Variants in GMIP observed in about 807,000 individuals in gnomAD.
The protein encoded by GMIP is GEM interacting protein.
GMIP carries 54 observed loss-of-function variants against 105.3 expected under a neutral mutation model. The observed-to-expected ratio is 0.51, with a 90% confidence interval of 0.41 to 0.64. GMIP has a LOEUF of 0.64. Ranked by LOEUF, GMIP falls within the 30% of genes least tolerant of loss-of-function variation. The pLI, the probability that GMIP is intolerant of heterozygous loss-of-function variation, is 0.00. For synonymous variants in GMIP, 541 were observed against 560.8 expected, an observed-to-expected ratio of 0.96 and a Z score of 0.50; for missense variants, 1,110 against 1,319.4, an observed-to-expected ratio of 0.84 and a Z score of 2.46.
rs760097464 is a variant in GMIP at position 19,634,464 on chromosome 19, A to G, written c.2084+43T>C. 3 of 1,521,636 alleles carry G rather than the reference A, an allele frequency of 2.0e-6. No individual in the cohort carries two copies. The African/African-American group carries it at 4.2e-5, about 21-fold the overall frequency. 94.3% of individuals were successfully genotyped at this position (1,521,636 alleles called of 1,614,324 possible). ...CAGGGAAGTTAGTAGTCGCATGTCC[A>G]GGGAAAAGGGTCGCGTTTCAAGGCT... is the stretch of plus-strand genomic sequence containing the variant. On this transcript the variant is annotated intron_variant, in intron 18 of 20. Transcript: ENST00000203556. This position sits in a 1 kb window ranked among gnomAD's most constrained non-coding sequence, Gnocchi z 6.1.
chr19:19,633,711 A>C (rs747782527), intron 19 of GMIP, 92 bp downstream of exon 19: 8 of 985,340 alleles, frequency 8.1e-6, no homozygotes, highest in Non-Finnish European at 1.1e-5. Flanking sequence ...GAATGAAGGA[A>C]ATTTTAAAAA....
In GMIP at chr19:19,640,536, C is replaced by T. The variant is rs756172978; in HGVS notation, c.274G>A (p.Gly92Arg). Reference sequence around the variant, plus strand: ...TATTCCAGGGCTGCGTCCACACCCCCCTTTGTCCGAATGAGCCGCAAGTCC... The same window carrying T: ...TATTCCAGGGCTGCGTCCACACCCCTCTTTGTCCGAATGAGCCGCAAGTCC... ...ELDLRLIRTK[G>R]GVDAALEYAK... The change falls in exon 5 of 21, where the codon GGG (glycine) becomes AGG (arginine). Residue 92 changes from glycine to arginine, a missense_variant. Coordinates refer to ENST00000203556, the MANE Select transcript of GMIP (RefSeq NM_016573.4). The T allele has an allele frequency of 3.1e-6, 5 of 1,613,872 alleles. No homozygotes were observed. Among genetic ancestry groups the T allele is most frequent in the African/African-American group, 1.3e-5 (1 of 74,870 alleles).
chr19:19,638,711 C>T (rs1431563198), intron 7 of GMIP, among the ~76,000 whole-genome samples: 4 of 151,930 alleles, frequency 2.6e-5, no homozygotes, highest in African/African-American at 9.7e-5. Context: ...CCTCCAGCCT[C>T]AGCCTCTCAG....
rs764272373 is a variant in GMIP, at chr19:19,642,626, G to C, written c.20-7C>G. Reference sequence around the variant, plus strand: ...TCAGGACCTGGGGGGAGTCCTAGGGGAGGGGAGTGTAATACATGGGCTAAC... The same window carrying C: ...TCAGGACCTGGGGGGAGTCCTAGGGCAGGGGAGTGTAATACATGGGCTAAC... On this transcript the variant is annotated splice_region_variant and splice_polypyrimidine_tract_variant and intron_variant, in intron 1 of 20. Coordinates refer to ENST00000203556, the MANE Select transcript of GMIP (RefSeq NM_016573.4). 1.3e-6 allele frequency: 2 copies of C among 1,542,206 alleles called. No homozygotes were observed. The highest frequency in any genetic ancestry group is 1.7e-4 in the Middle Eastern group (1 of 5,926).
chr19:19,642,744 G>C (rs1013767302), intron 1 of GMIP, 125 bp from the exon 2 acceptor site: 151 of 523,546 alleles, frequency 2.9e-4, no homozygotes, highest in Admixed American at 9.4e-4. Flanking sequence ...GAGAGGGCTG[G>C]GGGGGGCTTG....
In GMIP at chr19:19,636,731, G is replaced by C. The variant is rs2061857334; in HGVS notation, c.1303C>G (p.Leu435Val). 5.0e-6 allele frequency: 8 copies of C among 1,613,616 alleles called. No homozygotes were observed. The highest frequency in any genetic ancestry group is 6.8e-6 in the Non-Finnish European group (8 of 1,179,816). The change falls in exon 13 of 21, where the codon CTG (leucine) becomes GTG (valine). Residue 435 changes from leucine to valine, a missense_variant. By Grantham distance (32) the Leu-to-Val change is conservative. Coordinates refer to ENST00000203556, the MANE Select transcript of GMIP (RefSeq NM_016573.4). ...SVGGGSESRS[L>V]DSPTSSPGAG... ...CCTGGGCTGGAAGTGGGTGAGTCCA[G>C]GGACCGAGACTCGCTGCCGCCACCC...
rs759009136 is a variant in GMIP, at chr19:19,634,950, A to G, written c.1750-21T>C. 6.2e-7 allele frequency: 1 copy of G among 1,613,788 alleles called. No homozygotes were observed. ...ATGCCCTGCAGGGTGAGGGTGAAAA[A>G]CAGACACCTGGTTCGTGATAGGCCA... On this transcript the variant is annotated intron_variant, in intron 16 of 20. Coordinates refer to ENST00000203556, the MANE Select transcript of GMIP (RefSeq NM_016573.4). The surrounding 1 kb of genome is among the most constrained non-coding windows in gnomAD (Gnocchi z 6.1).
chr19:19,639,530 C>A (rs2061895519), intron 7 of GMIP, among the ~76,000 whole-genome samples: 1 of 152,044 alleles, frequency 6.6e-6, no homozygotes, highest in Non-Finnish European at 1.5e-5. Context: ...ACACTCAGCA[C>A]CTCGTTCCCC....
At position 19,640,483 on chromosome 19, in the gene GMIP, C is replaced by T. The variant is rs1333741609; in HGVS notation, c.327G>A (p.Lys109=). 1 of 1,614,016 alleles carries T rather than the reference C, an allele frequency of 6.2e-7. No homozygotes were observed. The highest frequency in any genetic ancestry group is 1.3e-5 in the African/African-American group (1 of 74,906). Residue 109 remains lysine (K), a synonymous_variant, in exon 5 of 21, where the codon AAG becomes AAA. Coordinates refer to ENST00000203556, the MANE Select transcript of GMIP (RefSeq NM_016573.4). ...TCTTTTCAGTCCAGGCAAGCAGTTC[C>T]TTGGCATAGCGGCTCCAGGTCTTGG... is the stretch of plus-strand genomic sequence containing the variant. The part of the protein sequence containing the change: ...EYAKTWSRYA[K]ELLAWTEKRA...
In GMIP at chr19:19,633,673, C is replaced by T. The variant is rs1322085608; in HGVS notation, c.2472+130G>A. ...TCCTCACTATTCCTTCCAGAATGAA[C>T]ATAAGTTAAATGAGGAAGGGAGGAA... On this transcript the variant is annotated intron_variant, in intron 19 of 20. Transcript: ENST00000203556. 4.7e-6 allele frequency: 3 copies of T among 642,780 alleles called. No individual in the cohort carries two copies. The East Asian group carries it at 9.1e-5, about 19-fold the overall frequency. 39.8% of individuals were successfully genotyped at this position (642,780 alleles called of 1,614,324 possible).
In GMIP at chr19:19,630,596, C is replaced by T. The variant is rs960367953; in HGVS notation, c.2473-59G>A. 1 of 1,442,802 alleles carries T rather than the reference C, an allele frequency of 6.9e-7. No individual in the cohort carries two copies. The highest frequency in any genetic ancestry group is 9.8e-7 in the Non-Finnish European group (1 of 1,024,352). 89.4% of individuals were successfully genotyped at this position (1,442,802 alleles called of 1,614,324 possible). A position where few individuals can be genotyped will look rare whatever the true frequency, so the allele number is the denominator to read the frequency against. On this transcript the variant is annotated intron_variant, in intron 19 of 20. Coordinates refer to ENST00000203556, the MANE Select transcript of GMIP (RefSeq NM_016573.4). The surrounding 1 kb of genome is among the most constrained non-coding windows in gnomAD (Gnocchi z 4.8). ...ACTAAAATCCCAGTTCTTTGAGATT[C>T]CTGGAGAGCCAAGGGCTTGTTCCTG...
In GMIP at chr19:19,635,956, C is replaced by A. The variant is rs911667195; in HGVS notation, c.1328-235G>T. Among the ~76,000 whole-genome samples the A allele has an allele frequency of 6.6e-6, 1 of 152,078 alleles. No individual in the cohort carries two copies. Among genetic ancestry groups the A allele is most frequent in the Non-Finnish European group, 1.5e-5 (1 of 68,012 alleles). On this transcript the variant is annotated intron_variant, in intron 13 of 20. Coordinates refer to ENST00000203556, the MANE Select transcript of GMIP (RefSeq NM_016573.4). This position sits in a 1 kb window ranked among gnomAD's most constrained non-coding sequence, Gnocchi z 4.7. ...CAGTGGCTCACACCTGTAATCCCAGCACTTTGGGAAGCTGAGGCAGGAGGA... is the reference window on the plus strand; with the variant it reads ...CAGTGGCTCACACCTGTAATCCCAGAACTTTGGGAAGCTGAGGCAGGAGGA...
At chr19:19,641,678 G>T in intron 4 of GMIP, 132 bp downstream of exon 4, 2 of 747,640 alleles carry the variant, frequency 2.7e-6, no homozygotes, top group Non-Finnish European at 2.4e-6. Flanking sequence ...GGCTGGGACT[G>T]AGATCTGTTG....
rs2061772193 is a variant in GMIP at position 19,629,742 on chromosome 19, T to A, written c.*221A>T. On this transcript the variant is annotated 3_prime_UTR_variant, in exon 21 of 21. Transcript: ENST00000203556. ...CCCGAGTGGCCCTGATGCTTGGCAG[T>A]GACCTGTGTCTAGTGGGGGGACTCT... 3.5e-6 allele frequency: 2 copies of A among 571,754 alleles called. No individual in the cohort carries two copies. Among genetic ancestry groups the A allele is most frequent in the East Asian group, 3.0e-5 (1 of 33,214 alleles). The allele number at this position is 571,754 out of a possible 1,614,324, so 35.4% of individuals were successfully genotyped here.
Position 19,638,346 on chromosome 19 carries a change from A to T in GMIP, c.619-17T>A, listed in dbSNP as rs1366075376. The T allele has an allele frequency of 1.2e-6, 2 of 1,614,072 alleles. No homozygotes were observed. Among genetic ancestry groups the T allele is most frequent in the Non-Finnish European group, 1.7e-6 (2 of 1,179,978 alleles). On this transcript the variant is annotated splice_polypyrimidine_tract_variant and intron_variant, in intron 8 of 20. Coordinates refer to ENST00000203556, the MANE Select transcript of GMIP (RefSeq NM_016573.4). The stretch of plus-strand genomic sequence containing the variant: ...CGCCTCATTCTGGGGGATGATGAGA[A>T]GGTCAGCGTCCCGGCCTCTCTCTCA...
At chr19:19,636,214 A>AG (rs2061852491) in intron 13 of GMIP, among the ~76,000 whole-genome samples, 1 of 150,528 alleles carries the variant, frequency 6.6e-6, no homozygotes, top group Non-Finnish European at 1.5e-5. Flanking sequence ...AAAAAAAAAA[A>AG]AAAGAAAGAA....
Position 19,635,541 on chromosome 19 carries a change from C to A in GMIP, c.1434G>T (p.Leu478=), listed in dbSNP as rs1486106072. ...PDLGDGLENG[L]GSPFGKWTLS... ...GTGTCCACTTCCCGAAGGGGCTGCC[C>A]AGCCCATTCTCCAGCCCGTCTCCCA... The change falls in exon 15 of 21, where the codon CTG becomes CTT. Residue 478 remains leucine, a synonymous_variant. Coordinates refer to ENST00000203556, the MANE Select transcript of GMIP (RefSeq NM_016573.4). The surrounding 1 kb of genome is among the most constrained non-coding windows in gnomAD (Gnocchi z 4.7). 1.9e-6 allele frequency: 3 copies of A among 1,613,728 alleles called. No individual in the cohort carries two copies. Among genetic ancestry groups the A allele is most frequent in the Admixed American group, 1.7e-5 (1 of 60,000 alleles).
chr19:19,640,285 G>A lies in GMIP; in HGVS notation c.429+11C>T. On this transcript the variant is annotated intron_variant, in intron 6 of 20. Transcript: ENST00000203556. Reference sequence around the variant, plus strand: ...GGCTTGGGCTCTCCGGGGGGGTCTGGTCATGACTACCTGCTGTTGAATGGA... The same window carrying A: ...GGCTTGGGCTCTCCGGGGGGGTCTGATCATGACTACCTGCTGTTGAATGGA... The A allele has an allele frequency of 6.2e-7, 1 of 1,613,164 alleles. No homozygotes were observed. Among genetic ancestry groups the A allele is most frequent in the Non-Finnish European group, 8.5e-7 (1 of 1,179,318 alleles).
At chr19:19,641,685 G>A (rs1035149635) in intron 4 of GMIP, 125 bp downstream of exon 4, 15 of 764,310 alleles carry the variant, frequency 2.0e-5, no homozygotes, top group Non-Finnish European at 3.2e-5. Context: ...ACTGAGATCT[G>A]TTGTGTGTAC....
Sources: gnomAD v4.1 joint callset for allele counts (sites outside exome capture counted in the v4.1 genomes callset) on GRCh38, gnomAD v4.1.1 for gene constraint, Gnocchi (gnomAD v3.1) non-coding constraint, MANE v1.5 for transcripts, NCBI Gene and HGNC (gene_info 2026-07-23, HGNC 2026-07-21) for gene names.